The following FHIT variants were observed in gnomAD, a reference collection of about 807,000 sequenced individuals.
The protein encoded by FHIT is fragile histidine triad diadenosine triphosphatase, also known as bis(5'-adenosyl)-triphosphatase.
A neutral mutation model predicts 17.9 loss-of-function variants in FHIT; 19 were observed. That is an observed-to-expected ratio of 1.06 (90% CI 0.74 to 1.56). The LOEUF (loss-of-function observed/expected upper bound fraction) is 1.56, where lower values mean the gene tolerates loss of function less well. Ranked by LOEUF, FHIT falls within the 40% of genes most tolerant of loss-of-function variation. FHIT has a pLI of 0.00. For synonymous variants in FHIT, 81 were observed against 69.7 expected, an observed-to-expected ratio of 1.16 and a Z score of -0.81; for missense variants, 248 against 189.2, an observed-to-expected ratio of 1.31 and a Z score of -1.82.
intron 8 of FHIT, among the ~76,000 whole-genome samples, chr3:59,915,334 G>T (rs187830100): frequency 6.6e-6 from 1 of 152,292 alleles, no homozygotes; most frequent in East Asian, 1.9e-4. Context: ...TGGATAGAGT[G>T]ACACGTGATT....
intron 8 of FHIT, among the ~76,000 whole-genome samples, chr3:59,798,965 A>G (rs1699887415): frequency 6.6e-6 from 1 of 152,204 alleles, no homozygotes. Context: ...ACCTCCAGCC[A>G]CGTTGGTGAA....
At chr3:60,530,168 T>A (rs945020611) in intron 5 of FHIT, among the ~76,000 whole-genome samples, 1 of 152,100 alleles carries the variant, frequency 6.6e-6, no homozygotes, top group Admixed American at 6.5e-5. Context: ...AAACTATCAT[T>A]AAGCAACAGG....
In FHIT at chr3:60,643,019, A is replaced by C. The variant is rs1169333717; in HGVS notation, c.-17-106040T>G. Among the ~76,000 whole-genome samples the C allele has an allele frequency of 3.9e-5, 6 of 152,294 alleles. No homozygotes were observed. The South Asian group carries it at 8.3e-4, about 21-fold the overall frequency. On this transcript the variant is annotated intron_variant, in intron 4 of 9. Transcript: ENST00000492590. The stretch of plus-strand genomic sequence containing the variant: ...TTGGTATGGCTGTTTGATATTGTCT[A>C]TCTCCCCAGCTGAACTGGTAGTTCC...
Position 60,160,943 on chromosome 3 carries a change from C to A in FHIT, c.104-146791G>T, listed in dbSNP as rs150080099. On this transcript the variant is annotated intron_variant, in intron 5 of 9. Transcript: ENST00000492590. ...TTCATTAAGAAATTTTTAACTTTATCCCAGACAAAGCAAAAAAAAAAGACG... is the reference window on the plus strand; with the variant it reads ...TTCATTAAGAAATTTTTAACTTTATACCAGACAAAGCAAAAAAAAAAGACG... Among the ~76,000 whole-genome samples, 511 of 152,022 alleles carry A rather than the reference C, an allele frequency of 3.4e-3. 4 individuals are homozygous for A. Among genetic ancestry groups the A allele is most frequent in the African/African-American group, 0.012 (490 of 41,494 alleles).
At chr3:60,864,313 T>C (rs1413885655) in intron 3 of FHIT, among the ~76,000 whole-genome samples, 1 of 152,114 alleles carries the variant, frequency 6.6e-6, no homozygotes, top group Non-Finnish European at 1.5e-5. Flanking sequence ...ATTAAGAAGC[T>C]GAGGTACAGG....
At chr3:60,330,215 A>G (rs1333212700) in intron 5 of FHIT, among the ~76,000 whole-genome samples, 4 of 152,200 alleles carry the variant, frequency 2.6e-5, no homozygotes, top group African/African-American at 9.6e-5. Context: ...CAAGTATTCC[A>G]GACAATTGGT....
At chr3:60,161,651 G>C (rs1305391262) in intron 5 of FHIT, among the ~76,000 whole-genome samples, 2 of 151,914 alleles carry the variant, frequency 1.3e-5, no homozygotes, top group African/African-American at 4.8e-5. Context: ...AGTGTTTCGA[G>C]GTAGGTAACT....
At chr3:60,170,875 G>A (rs1418086183) in intron 5 of FHIT, among the ~76,000 whole-genome samples, 1 of 152,076 alleles carries the variant, frequency 6.6e-6, no homozygotes. Flanking sequence ...AGGAAGACCA[G>A]TGTCAAAATA....
At chr3:60,563,066 A>G (rs1334519218) in intron 4 of FHIT, among the ~76,000 whole-genome samples, 1 of 152,190 alleles carries the variant, frequency 6.6e-6, no homozygotes, top group Non-Finnish European at 1.5e-5. Context: ...GAGAAGTAAT[A>G]TGTTCTACGT....
chr3:60,362,926 A>G (rs980908795), intron 5 of FHIT, among the ~76,000 whole-genome samples: 1 of 152,212 alleles, frequency 6.6e-6, no homozygotes, highest in East Asian at 1.9e-4. Flanking sequence ...GACCATAAGC[A>G]GCAGAGAACT....
rs187782358 is a variant in FHIT at position 60,883,242 on chromosome 3, T to C, written c.-110-61231A>G. ...ATCTGGTTACAAAAAAAGGAAAATA[T>C]CCCATATTCATGAATTGGAAGAACT... On this transcript the variant is annotated intron_variant, in intron 3 of 9. Coordinates refer to ENST00000492590, the MANE Select transcript of FHIT (RefSeq NM_002012.4). Among the ~76,000 whole-genome samples, 976 of 152,116 alleles carry C rather than the reference T, an allele frequency of 6.4e-3. 9 individuals carry two copies. The highest frequency in any genetic ancestry group is 0.023 in the African/African-American group (942 of 41,528).
intron 4 of FHIT, among the ~76,000 whole-genome samples, chr3:60,547,968 G>A (rs1165555733): frequency 5.3e-5 from 8 of 152,100 alleles, no homozygotes; most frequent in Non-Finnish European, 1.2e-4. Flanking sequence ...GCTTTCAAAT[G>A]TTATGTTAAC....
intron 3 of FHIT, among the ~76,000 whole-genome samples, chr3:60,980,552 C>G (rs958392362): frequency 6.6e-6 from 1 of 152,164 alleles, no homozygotes; most frequent in Non-Finnish European, 1.5e-5. Flanking sequence ...TCCTCTCTGC[C>G]TACTCATAAC....
chr3:59,906,150 G>C (rs143046318), intron 8 of FHIT, among the ~76,000 whole-genome samples: 1 of 152,306 alleles, frequency 6.6e-6, no homozygotes, highest in East Asian at 1.9e-4. Flanking sequence ...TGCTCTATGA[G>C]AATAACTGGA....
chr3:60,139,791 C>T (rs779211680), intron 5 of FHIT, among the ~76,000 whole-genome samples: 3 of 144,902 alleles, frequency 2.1e-5, no homozygotes, highest in Admixed American at 6.8e-5. Flanking sequence ...GGAGAAAATG[C>T]TCTCTTTACC....
At chr3:60,139,660 T>C (rs1471688103) in intron 5 of FHIT, among the ~76,000 whole-genome samples, 2 of 152,142 alleles carry the variant, frequency 1.3e-5, no homozygotes, top group African/African-American at 4.8e-5. Context: ...GGAGGGGCTA[T>C]TCCACTTTGT....
chr3:61,061,083 T>C (rs1575939032), intron 2 of FHIT, among the ~76,000 whole-genome samples: 1 of 152,210 alleles, frequency 6.6e-6, no homozygotes, highest in East Asian at 1.9e-4. Flanking sequence ...TATATATAAT[T>C]GTCGAATCAG....
At chr3:60,253,914 G>A (rs1248507595) in intron 5 of FHIT, among the ~76,000 whole-genome samples, 1 of 152,158 alleles carries the variant, frequency 6.6e-6, no homozygotes, top group African/African-American at 2.4e-5. Flanking sequence ...GCACTTACTT[G>A]TGAGTTACTA....
chr3:60,702,771 A>C (rs2041279062), intron 4 of FHIT, among the ~76,000 whole-genome samples: 3 of 152,188 alleles, frequency 2.0e-5, no homozygotes, highest in African/African-American at 7.2e-5. Flanking sequence ...CTAATAGCAA[A>C]TATTCCTGTG....
Sources: gnomAD v4.1 joint callset for allele counts (sites outside exome capture counted in the v4.1 genomes callset) on GRCh38, gnomAD v4.1.1 for gene constraint, MANE v1.5 for transcripts, NCBI Gene and HGNC (gene_info 2026-07-23, HGNC 2026-07-21) for gene names.